The following NPSR1 variants were observed in gnomAD, a reference collection of about 807,000 sequenced individuals.
NPSR1 encodes the protein neuropeptide S receptor.
NPSR1 carries 48 observed loss-of-function variants against 46.9 expected under a neutral mutation model. That is an observed-to-expected ratio of 1.02 (90% CI 0.81 to 1.30). The LOEUF (loss-of-function observed/expected upper bound fraction) is 1.30. Among genes scored for constraint, NPSR1 ranks in the 50% most tolerant of loss-of-function variants. NPSR1 has a pLI of 0.00. For missense variants in NPSR1, 450 were observed against 449.5 expected (o/e 1.00, Z -0.01); for synonymous variants, 176 against 168.1 (o/e 1.05, Z -0.36).
At chr7:34,683,368 A>T (rs13224828) in intron 1 of NPSR1, among the ~76,000 whole-genome samples, 1 of 150,544 alleles carries the variant, frequency 6.6e-6, no homozygotes, top group Non-Finnish European at 1.5e-5. Context: ...AATGGCATGA[A>T]CCTGGGAGGC....
At chr7:34,831,471 G>T (rs79866699) in intron 5 of NPSR1, among the ~76,000 whole-genome samples, 2 of 152,034 alleles carry the variant, frequency 1.3e-5, no homozygotes, top group Admixed American at 1.3e-4. Flanking sequence ...AAGAAAGGAG[G>T]GGGGAAGAAA....
At chr7:34,718,109 T>C (rs1783665569) in intron 2 of NPSR1, among the ~76,000 whole-genome samples, 1 of 152,240 alleles carries the variant, frequency 6.6e-6, no homozygotes, top group Non-Finnish European at 1.5e-5. Context: ...GATTAAGTTA[T>C]CTCTACAGAT....
intron 1 of NPSR1, among the ~76,000 whole-genome samples, chr7:34,668,540 C>T (rs1458542): frequency 0.55 from 83,605 of 152,052 alleles, 24,526 homozygotes; most frequent in African/African-American, 0.76. Flanking sequence ...TTTCATTCAT[C>T]AATCAGGTTA....
chr7:34,746,958 C>G (rs191570154), intron 2 of NPSR1, among the ~76,000 whole-genome samples: 1 of 152,018 alleles, frequency 6.6e-6, no homozygotes, highest in East Asian at 1.9e-4. Context: ...AACCCCGTGT[C>G]TATTAAAAAT....
chr7:34,717,229 T>C (rs1783622977), intron 2 of NPSR1, among the ~76,000 whole-genome samples: 1 of 152,020 alleles, frequency 6.6e-6, no homozygotes, highest in South Asian at 2.1e-4. Flanking sequence ...ACTTCCCGGG[T>C]TCAAGCGATT....
intron 1 of NPSR1, among the ~76,000 whole-genome samples, chr7:34,664,615 T>TA (rs1791645480): frequency 7.5e-6 from 1 of 134,120 alleles, no homozygotes; most frequent in Admixed American, 6.9e-5. Context: ...TTTCTTTTTT[T>TA]TAAAAAAAAA....
chr7:34,866,818 T>G (rs1420098921), intron 8 of NPSR1, among the ~76,000 whole-genome samples: 1 of 151,658 alleles, frequency 6.6e-6, no homozygotes, highest in Non-Finnish European at 1.5e-5. Context: ...AGGTTACAGT[T>G]AGAAAAAAAA....
intron 6 of NPSR1, among the ~76,000 whole-genome samples, chr7:34,835,499 CCCT>C (rs1790322764): frequency 6.6e-6 from 1 of 152,204 alleles, no homozygotes; most frequent in Admixed American, 6.5e-5. Flanking sequence ...TCTCCCTAAG[CCCT>C]CCTCTTTTCA....
chr7:34,662,944 C>G (rs1791528753), intron 1 of NPSR1, among the ~76,000 whole-genome samples: 1 of 152,056 alleles, frequency 6.6e-6, no homozygotes, highest in Non-Finnish European at 1.5e-5. Context: ...TCAGAATAAA[C>G]CTAGTCATTG....
chr7:34,796,640 T>A (rs985534427), intron 3 of NPSR1, among the ~76,000 whole-genome samples: 1 of 152,194 alleles, frequency 6.6e-6, no homozygotes, highest in African/African-American at 2.4e-5. Context: ...TAGCACTGCA[T>A]ATTTATTAGA....
chr7:34,814,167 G>A (rs1207308053), intron 4 of NPSR1, among the ~76,000 whole-genome samples: 1 of 152,220 alleles, frequency 6.6e-6, no homozygotes, highest in Non-Finnish European at 1.5e-5. Flanking sequence ...AAGGGAAGCT[G>A]GGGCACACTG....
intron 7 of NPSR1, among the ~76,000 whole-genome samples, chr7:34,847,814 C>T (rs1340267738): frequency 6.6e-6 from 1 of 152,208 alleles, no homozygotes; most frequent in African/African-American, 2.4e-5. Context: ...TATCTGAGCA[C>T]TCCGCAGCCC....
intron 2 of NPSR1, among the ~76,000 whole-genome samples, chr7:34,742,560 A>G (rs1323890647): frequency 6.6e-6 from 1 of 152,134 alleles, no homozygotes; most frequent in African/African-American, 2.4e-5. Flanking sequence ...GCTTCATCCA[A>G]TCTGTCATTG....
chr7:34,856,084 A>G (rs989347753), intron 8 of NPSR1, among the ~76,000 whole-genome samples: 2 of 152,170 alleles, frequency 1.3e-5, no homozygotes, highest in Admixed American at 1.3e-4. Flanking sequence ...TCCTTTTGAA[A>G]TAAAGAATGA....
chr7:34,841,501 T>A (rs546432847), intron 6 of NPSR1, among the ~76,000 whole-genome samples: 1 of 152,244 alleles, frequency 6.6e-6, no homozygotes, highest in Non-Finnish European at 1.5e-5. Flanking sequence ...CCAAGCCCGA[T>A]TAATGCACAG....
At chr7:34,697,790 CTAAGT>C (rs10581407) in intron 2 of NPSR1, among the ~76,000 whole-genome samples, 36,244 of 151,468 alleles carry the variant, frequency 0.24, 4,538 homozygotes, top group South Asian at 0.35. Flanking sequence ...TAAAATCAAT[CTAAGT>C]TAAGACAGGA....
At chr7:34,833,522 G>A (rs1790215026) in intron 5 of NPSR1, among the ~76,000 whole-genome samples, 1 of 152,204 alleles carries the variant, frequency 6.6e-6, no homozygotes, top group East Asian at 1.9e-4. Context: ...CAAAAAGTTC[G>A]AGAGGTCTGT....
At chr7:34,760,166 T>C (rs1786093118) in intron 2 of NPSR1, among the ~76,000 whole-genome samples, 1 of 152,178 alleles carries the variant, frequency 6.6e-6, no homozygotes, top group African/African-American at 2.4e-5. Context: ...CTCTACTTCT[T>C]ATGTGTCAAT....
chr7:34,743,054 C>CT (rs1785029382), intron 2 of NPSR1, among the ~76,000 whole-genome samples: 1 of 152,118 alleles, frequency 6.6e-6, no homozygotes, highest in Non-Finnish European at 1.5e-5. Context: ...GATATTAAAA[C>CT]TTTGTCAAAT....
Sources: allele counts gnomAD v4.1 joint callset (sites outside exome capture counted in the v4.1 genomes callset), GRCh38; gene constraint gnomAD v4.1.1; transcripts MANE v1.5; gene names NCBI Gene and HGNC (gene_info 2026-07-23, HGNC 2026-07-21).